The following PCDHGB3 variants were observed in gnomAD, a reference collection of about 807,000 sequenced individuals.
The protein encoded by PCDHGB3 is protocadherin gamma-B3.
PCDHGB3 carries 40 observed loss-of-function variants against 59.2 expected under a neutral mutation model. The observed-to-expected ratio is 0.68, with a 90% confidence interval of 0.52 to 0.88. PCDHGB3 has a LOEUF of 0.88. Ranked by LOEUF, PCDHGB3 falls within the 40% of genes least tolerant of loss-of-function variation. The pLI, the probability that PCDHGB3 is intolerant of heterozygous loss-of-function variation, is 0.00. For synonymous variants in PCDHGB3, 581 were observed against 503.6 expected, an observed-to-expected ratio of 1.15 and a Z score of -2.06; for missense variants, 1,309 against 1,187.9, an observed-to-expected ratio of 1.10 and a Z score of -1.50.
At chr5:141,420,432 T>C in intron 1 of PCDHGB3, 2 of 1,149,120 alleles carry the variant, frequency 1.7e-6, no homozygotes, top group Non-Finnish European at 2.3e-6. Flanking sequence ...AAAGTTTAAA[T>C]TAAATGCCTC....
Position 141,371,052 on chromosome 5 carries a change from C to T in PCDHGB3, c.658C>T (p.Pro220Ser), listed in dbSNP as rs769801850. 2.5e-6 allele frequency: 4 copies of T among 1,613,960 alleles called. No individual in the cohort carries two copies. In the South Asian group the frequency reaches 3.3e-5, roughly 13 times the overall value. ...LVLTAVDGGE[P>S]SRSCTTQIRV... ...CCTCACAGCTGTGGATGGGGGCGAGCCCTCCAGAAGCTGTACCACCCAGAT... is the reference window on the plus strand; with the variant it reads ...CCTCACAGCTGTGGATGGGGGCGAGTCCTCCAGAAGCTGTACCACCCAGAT... Residue 220 changes from proline (P) to serine (S), a missense_variant, in exon 1 of 4, where the codon CCC (proline) becomes TCC (serine). By Grantham distance (74) the Pro-to-Ser change is moderately conservative. Coordinates refer to ENST00000576222, the MANE Select transcript of PCDHGB3 (RefSeq NM_018924.5).
chr5:141,454,564 G>A (rs896426143), intron 1 of PCDHGB3, among the ~76,000 whole-genome samples: 1 of 151,874 alleles, frequency 6.6e-6, no homozygotes, highest in Non-Finnish European at 1.5e-5. Context: ...GTGCCACCAC[G>A]CCCGGCTAAT....
At chr5:141,388,965 G>A in intron 1 of PCDHGB3, 2 of 1,613,978 alleles carry the variant, frequency 1.2e-6, no homozygotes, top group Non-Finnish European at 1.7e-6. Flanking sequence ...CGCCGAGCTG[G>A]GAACACATAT....
intron 1 of PCDHGB3, among the ~76,000 whole-genome samples, chr5:141,469,864 C>T (rs963843852): frequency 6.6e-6 from 1 of 152,218 alleles, no homozygotes; most frequent in African/African-American, 2.4e-5. Flanking sequence ...GGTGCAATGG[C>T]TCACGCCTGT....
Position 141,493,689 on chromosome 5 carries a change from C to A in PCDHGB3, c.2416-1118C>A, listed in dbSNP as rs2099749557. The stretch of plus-strand genomic sequence containing the variant: ...GGCAGCCCCAGAATGGTGCTGGTGA[C>A]TCCCGATACACCTGGAATGCTAGGT... On this transcript the variant is annotated intron_variant, in intron 1 of 3. Transcript: ENST00000576222. The surrounding 1 kb of genome is among the most constrained non-coding windows in gnomAD (Gnocchi z 4.3). Among the ~76,000 whole-genome samples the A allele has an allele frequency of 6.6e-6, 1 of 152,218 alleles. No homozygotes were observed. The highest frequency in any genetic ancestry group is 2.4e-5 in the African/African-American group (1 of 41,450).
rs750774158 is a variant in PCDHGB3 at position 141,389,140 on chromosome 5, C to A, written c.2415+16331C>A. 3.1e-6 allele frequency: 5 copies of A among 1,613,878 alleles called. No homozygotes were observed. In the Admixed American group the frequency reaches 8.3e-5, roughly 27 times the overall value. On this transcript the variant is annotated intron_variant, in intron 1 of 3. Coordinates refer to ENST00000576222, the MANE Select transcript of PCDHGB3 (RefSeq NM_018924.5). ...GAGCAGAATCCAGAGTACAATATAA[C>A]CGTTACGGCAACAGATCGGGGCAAG...
intron 1 of PCDHGB3, chr5:141,399,025 CAAAAG>C (rs750003738): frequency 6.8e-6 from 11 of 1,613,846 alleles, no homozygotes; most frequent in Admixed American, 5.0e-5. Context: ...AATTACCACT[CAAAAG>C]AAACTGGATT....
chr5:141,463,424 CT>C (rs2099058999), intron 1 of PCDHGB3, among the ~76,000 whole-genome samples: 1 of 148,698 alleles, frequency 6.7e-6, no homozygotes, highest in Non-Finnish European at 1.5e-5. Flanking sequence ...TTTGCGGATC[CT>C]CATTTCCTTC....
chr5:141,389,264 C>T, intron 1 of PCDHGB3: 1 of 1,614,018 alleles, frequency 6.2e-7, no homozygotes, highest in South Asian at 1.1e-5. Flanking sequence ...TCCACGTGGC[C>T]GAGAACAACC....
In PCDHGB3 at chr5:141,423,562, A is replaced by G. The variant is rs374427537; in HGVS notation, c.2415+50753A>G. On this transcript the variant is annotated intron_variant, in intron 1 of 3. Coordinates refer to ENST00000576222, the MANE Select transcript of PCDHGB3 (RefSeq NM_018924.5). ...TTTCCCCCAGCCCAACTATGGGGAC[A>G]CGCTCATCAGCCAGGAGAGCTGTGA... is the stretch of plus-strand genomic sequence containing the variant. 7 of 1,613,498 alleles carry G rather than the reference A, an allele frequency of 4.3e-6. No homozygotes were observed. The African/African-American group carries it at 8.0e-5, about 18-fold the overall frequency.
intron 1 of PCDHGB3, chr5:141,428,251 T>C (rs761574102): frequency 1.1e-5 from 10 of 893,496 alleles, no homozygotes; most frequent in Middle Eastern, 2.1e-4. Flanking sequence ...ACTGCCAGAC[T>C]TCAGTGACAG....
rs746594689 is a variant in PCDHGB3, at chr5:141,370,741, T to C, written c.347T>C (p.Phe116Ser). The change falls in exon 1 of 4, where the codon TTT becomes TCT. Residue 116 changes from phenylalanine to serine, a missense_variant. By Grantham distance (155) the Phe-to-Ser change is radical. Coordinates refer to ENST00000576222, the MANE Select transcript of PCDHGB3 (RefSeq NM_018924.5). ...ATGGTTGCTGAAAAGCCTTTAAACT[T>C]TTTTCATGTAACTGTGCTGATCCAG... Reference protein sequence around the residue: ...FEMVAEKPLNFFHVTVLIQDI... With the variant: ...FEMVAEKPLNSFHVTVLIQDI... 1 of 1,613,900 alleles carries C rather than the reference T, an allele frequency of 6.2e-7. No homozygotes were observed. The highest frequency in any genetic ancestry group is 8.5e-7 in the Non-Finnish European group (1 of 1,179,870).
intron 1 of PCDHGB3, chr5:141,376,559 C>A (rs758448085): frequency 2.3e-5 from 37 of 1,609,380 alleles, no homozygotes; most frequent in Admixed American, 6.7e-5. Flanking sequence ...TCCCGCAACC[C>A]AACTAATCAG....
In PCDHGB3 at chr5:141,489,739, G is replaced by A; in HGVS notation, c.2416-5068G>A. On this transcript the variant is annotated intron_variant, in intron 1 of 3. Transcript: ENST00000576222. The surrounding 1 kb of genome is among the most constrained non-coding windows in gnomAD (Gnocchi z 4.5). Reference sequence around the variant, plus strand: ...GGATCCGGATGTGGGCACCAATACTGTGAGCTTTTACACTCTAAGCCCCAA... The same window carrying A: ...GGATCCGGATGTGGGCACCAATACTATGAGCTTTTACACTCTAAGCCCCAA... 3 of 1,614,170 alleles carry A rather than the reference G, an allele frequency of 1.9e-6. No homozygotes were observed. The highest frequency in any genetic ancestry group is 2.2e-5 in the South Asian group (2 of 91,076).
chr5:141,470,969 A>C (rs62379203), intron 1 of PCDHGB3, among the ~76,000 whole-genome samples: 16,337 of 151,332 alleles, frequency 0.11, 895 homozygotes, highest in South Asian at 0.15. Flanking sequence ...CTCCCACCTC[A>C]GCCTCCCAAA....
chr5:141,419,218 A>G, intron 1 of PCDHGB3: 1 of 1,613,940 alleles, frequency 6.2e-7, no homozygotes, highest in Non-Finnish European at 8.5e-7. Flanking sequence ...CGGTTTTCGG[A>G]CAGTCAGCCT....
intron 1 of PCDHGB3, chr5:141,419,090 G>T: frequency 6.2e-7 from 1 of 1,613,922 alleles, no homozygotes; most frequent in Non-Finnish European, 8.5e-7. Flanking sequence ...TGAGGCCCTG[G>T]ATCGGGAGCA....
At position 141,489,090 on chromosome 5, in the gene PCDHGB3, C is replaced by A; in HGVS notation, c.2416-5717C>A. On this transcript the variant is annotated intron_variant, in intron 1 of 3. Transcript: ENST00000576222. The surrounding 1 kb of genome is among the most constrained non-coding windows in gnomAD (Gnocchi z 4.5). Reference sequence around the variant, plus strand: ...CCTGCCCACCCCCGCCACTCGGTGACTAAGAACTGCTGCAAGCAGGCAAAC... The same window carrying A: ...CCTGCCCACCCCCGCCACTCGGTGAATAAGAACTGCTGCAAGCAGGCAAAC... The A allele has an allele frequency of 1.5e-5, 5 of 328,802 alleles. No individual in the cohort carries two copies. The highest frequency in any genetic ancestry group is 4.8e-5 in the East Asian group (1 of 20,928). 20.4% of individuals were successfully genotyped at this position (328,802 alleles called of 1,614,324 possible).
intron 2 of PCDHGB3, among the ~76,000 whole-genome samples, chr5:141,499,234 A>G (rs1294400331): frequency 6.6e-6 from 1 of 152,008 alleles, no homozygotes; most frequent in Non-Finnish European, 1.5e-5. Flanking sequence ...AGCTGTCCCC[A>G]GCCTCTGCAC....
Sources: allele counts gnomAD v4.1 joint callset (sites outside exome capture counted in the v4.1 genomes callset), GRCh38; gene constraint gnomAD v4.1.1; non-coding constraint Gnocchi (gnomAD v3.1); transcripts MANE v1.5; gene names NCBI Gene and HGNC (gene_info 2026-07-23, HGNC 2026-07-21).